Variants in MROH1 observed in about 807,000 individuals in gnomAD.
The protein encoded by MROH1 is maestro heat-like repeat-containing protein family member 1.
MROH1 carries 117 observed loss-of-function variants against 116.5 expected under a neutral mutation model. The observed-to-expected ratio is 1.00, with a 90% CI of 0.86 to 1.17. MROH1 has a LOEUF of 1.17. Ranked by LOEUF, MROH1 falls within the 50% of genes most tolerant of loss-of-function variation. MROH1 has a pLI of 0.00. For synonymous variants in MROH1, 921 were observed against 583.9 expected (o/e 1.58, Z -8.32); for missense variants, 1,873 against 1,338.5 (o/e 1.40, Z -6.23).
chr8:144,174,577 G>A (rs1017340303), intron 4 of MROH1, among the ~76,000 whole-genome samples: 5 of 149,754 alleles, frequency 3.3e-5, no homozygotes, highest in Non-Finnish European at 4.4e-5. Context: ...TTGATCTCCC[G>A]TACACAAGTG....
intron 34 of MROH1, among the ~76,000 whole-genome samples, 172 bp downstream of exon 34, chr8:144,255,150 C>T (rs1280738274): frequency 2.6e-5 from 4 of 152,214 alleles, no homozygotes; most frequent in Admixed American, 1.3e-4. Context: ...CAGGTGTGGG[C>T]CCCCAGGGGA....
At chr8:144,205,502 C>T (rs1832624248) in intron 12 of MROH1, among the ~76,000 whole-genome samples, 1 of 95,554 alleles carries the variant, frequency 1.0e-5, no homozygotes, top group Non-Finnish European at 2.1e-5. Flanking sequence ...TATATAAATC[C>T]TTTGCATATA....
At chr8:144,174,116 A>T (rs769008175) in intron 4 of MROH1, among the ~76,000 whole-genome samples, 2 of 152,184 alleles carry the variant, frequency 1.3e-5, no homozygotes, top group African/African-American at 2.4e-5. Flanking sequence ...AAAAGAGGTT[A>T]AAGTGAAGAC....
intron 4 of MROH1, among the ~76,000 whole-genome samples, chr8:144,176,223 A>T (rs1823874902): frequency 6.6e-6 from 1 of 151,944 alleles, no homozygotes; most frequent in Admixed American, 6.6e-5. Context: ...AAAAAAAAAA[A>T]TTAGCCAGGA....
rs1844205538 is a variant in MROH1, at chr8:144,257,915, C to T, written c.3792-862C>T. Among the ~76,000 whole-genome samples the T allele has an allele frequency of 2.6e-5, 4 of 152,358 alleles. No individual in the cohort carries two copies. In the South Asian group the frequency reaches 6.2e-4, roughly 24 times the overall value. ...TCGAGGGCAGCGGAAAGCCACATGG[C>T]AGGGGCTGTGGAGTTGAAATGGAGG... On this transcript the variant is annotated intron_variant, in intron 35 of 43. Transcript: ENST00000326134.
chr8:144,211,721 C>T (rs1226647118), intron 12 of MROH1, among the ~76,000 whole-genome samples: 3 of 149,286 alleles, frequency 2.0e-5, no homozygotes, highest in Admixed American at 6.7e-5. Flanking sequence ...AGTGAAATTC[C>T]ATCTCAAAAA....
intron 10 of MROH1, among the ~76,000 whole-genome samples, chr8:144,195,863 A>G (rs1438825868): frequency 6.6e-6 from 1 of 151,948 alleles, no homozygotes; most frequent in Non-Finnish European, 1.5e-5. Flanking sequence ...AAATCATGCT[A>G]CTTTGTCCTT....
At chr8:144,198,511 G>A (rs755641001) in intron 10 of MROH1, among the ~76,000 whole-genome samples, 8 of 152,148 alleles carry the variant, frequency 5.3e-5, no homozygotes, top group Non-Finnish European at 7.3e-5. Flanking sequence ...TCAACCTCCC[G>A]GGCTCAGGCA....
chr8:144,250,675 C>T (rs1388352753), intron 33 of MROH1: 1 of 464,172 alleles, frequency 2.2e-6, no homozygotes, highest in Admixed American at 3.4e-5. Flanking sequence ...GCTCTGTTGG[C>T]CCCAGGCTCC....
intron 7 of MROH1, among the ~76,000 whole-genome samples, chr8:144,185,650 TGAGGGGCGGCGCAG>T (rs1826857890): frequency 1.8e-4 from 3 of 17,080 alleles, no homozygotes; most frequent in East Asian, 2.2e-3. Context: ...GGGGGGACGG[TGAGGGGCGGCGCAG>T]GGACCTCGAG....
At position 144,151,042 on chromosome 8, in the gene MROH1, G is replaced by A. The variant is rs1385224555; in HGVS notation, c.-177+2966G>A. ...GCAGGCGGATCACTTGAGGTCAGGA[G>A]TTCGAGACCAGCCTGGCCAACATGG... On this transcript the variant is annotated intron_variant, in intron 1 of 43. Transcript: ENST00000326134. Among the ~76,000 whole-genome samples, 9 of 152,186 alleles carry A rather than the reference G, an allele frequency of 5.9e-5. No homozygotes were observed. In the East Asian group the frequency reaches 9.7e-4, roughly 16 times the overall value.
At chr8:144,259,005 T>C (rs1352925049) in intron 36 of MROH1, 91 bp downstream of exon 36, 7 of 646,578 alleles carry the variant, frequency 1.1e-5, no homozygotes, top group Admixed American at 2.2e-5. Context: ...CGGGGGCCCA[T>C]GCGTGTCAGG....
intron 1 of MROH1, among the ~76,000 whole-genome samples, chr8:144,156,179 G>A (rs1485424415): frequency 4.0e-5 from 6 of 150,746 alleles, no homozygotes; most frequent in Non-Finnish European, 8.9e-5. Flanking sequence ...GGAGGTTGTG[G>A]TGAGCCGAGA....
At chr8:144,162,290 T>C (rs1379633616) in intron 2 of MROH1, among the ~76,000 whole-genome samples, 1 of 151,896 alleles carries the variant, frequency 6.6e-6, no homozygotes, top group Non-Finnish European at 1.5e-5. Context: ...TTTTACCATG[T>C]TAGCCAGGCT....
chr8:144,188,233 C>T (rs1827686669), intron 7 of MROH1, among the ~76,000 whole-genome samples: 2 of 152,176 alleles, frequency 1.3e-5, no homozygotes, highest in South Asian at 4.1e-4. Flanking sequence ...AGATGAACAT[C>T]ACCAAGAAAA....
intron 1 of MROH1, among the ~76,000 whole-genome samples, chr8:144,160,342 G>C (rs1819212368): frequency 6.6e-6 from 1 of 152,160 alleles, no homozygotes; most frequent in Non-Finnish European, 1.5e-5. Context: ...TTCCACTCCG[G>C]CTGCTGGGAG....
At chr8:144,242,913 G>A (rs1453595799) in intron 24 of MROH1, among the ~76,000 whole-genome samples, 7 of 152,162 alleles carry the variant, frequency 4.6e-5, no homozygotes, top group African/African-American at 1.7e-4. Context: ...CAGGACAGCT[G>A]GAACCTCCTC....
chr8:144,257,149 G>A (rs1300915588), intron 35 of MROH1, among the ~76,000 whole-genome samples: 1 of 152,232 alleles, frequency 6.6e-6, no homozygotes, highest in African/African-American at 2.4e-5. Flanking sequence ...TGGCTGTCCT[G>A]TTCCCAGGGC....
intron 32 of MROH1, among the ~76,000 whole-genome samples, chr8:144,249,713 G>A (rs1023859597): frequency 6.6e-6 from 1 of 152,022 alleles, no homozygotes; most frequent in South Asian, 2.1e-4. Flanking sequence ...CCCCCCCCAA[G>A]TCCCATCCTT....
Sources: gnomAD v4.1 joint callset for allele counts (sites outside exome capture counted in the v4.1 genomes callset) on GRCh38, gnomAD v4.1.1 for gene constraint, MANE v1.5 for transcripts, NCBI Gene and HGNC (gene_info 2026-07-23, HGNC 2026-07-21) for gene names.